Variants in TP53BP1 observed in about 807,000 individuals in gnomAD.
The protein encoded by TP53BP1 is TP53-binding protein 1.
Under a neutral mutation model 200.8 loss-of-function variants are expected in TP53BP1, and 61 were observed. That is an observed-to-expected ratio of 0.30 (90% CI 0.25 to 0.38). TP53BP1 has a LOEUF of 0.38. TP53BP1 is among the 10% of genes least tolerant of loss of function. The pLI is 1.00. For synonymous variants in TP53BP1, 822 were observed against 844.3 expected, an observed-to-expected ratio of 0.97 and a Z score of 0.46; for missense variants, 2,144 against 2,371.9, an observed-to-expected ratio of 0.90 and a Z score of 2.00.
upstream of TP53BP1, among the ~76,000 whole-genome samples, chr15:43,495,532 C>CACACA (rs1288150243): frequency 2.1e-5 from 3 of 141,804 alleles, no homozygotes; most frequent in East Asian, 6.4e-4. Context: ...CACACACACA[C>CACACA]AAAAGCCAGG....
intron 23 of TP53BP1, 124 bp from the exon 24 acceptor site, chr15:43,413,458 T>G (rs2045181478): frequency 1.4e-6 from 1 of 737,344 alleles, no homozygotes; most frequent in East Asian, 2.7e-5. Context: ...GATGAACTTA[T>G]CTGAGCCAGA....
Position 43,403,476 on chromosome 15 carries a change from C to T in TP53BP1, c.*3907G>A, listed in dbSNP as rs182134432. The T allele has an allele frequency of 5.2e-5, 27 of 517,086 alleles. No individual in the cohort carries two copies. The Middle Eastern group carries it at 1.5e-3, about 30-fold the overall frequency. The allele number at this position is 517,086 out of a possible 1,614,324, so 32.0% of individuals were successfully genotyped here. Reference sequence around the variant, plus strand: ...GGTGCAGGGCTAAGAGAGTAATACTCGCTTAGCCAGGAAAGGATGCATTTG... The same window carrying T: ...GGTGCAGGGCTAAGAGAGTAATACTTGCTTAGCCAGGAAAGGATGCATTTG... On this transcript the variant is annotated 3_prime_UTR_variant, in exon 28 of 28. Coordinates refer to ENST00000382044, the MANE Select transcript of TP53BP1 (RefSeq NM_001141980.3).
chr15:43,509,290 T>C (rs2079257672), intron 1 of TP53BP1, among the ~76,000 whole-genome samples: 1 of 149,112 alleles, frequency 6.7e-6, no homozygotes, highest in Admixed American at 6.8e-5. Flanking sequence ...CTGCCAGTAC[T>C]CTTATTTTCC....
At chr15:43,438,480 T>C (rs2045851708) in intron 15 of TP53BP1, 64 bp from the exon 16 acceptor site, 3 of 1,382,358 alleles carry the variant, frequency 2.2e-6, no homozygotes, top group African/African-American at 2.9e-5. Flanking sequence ...TTGGAGATTA[T>C]CCTTTTATGC....
At chr15:43,502,097 T>G (rs1011558833) in intron 1 of TP53BP1, among the ~76,000 whole-genome samples, 43 of 152,158 alleles carry the variant, frequency 2.8e-4, no homozygotes, top group African/African-American at 1.0e-3. Flanking sequence ...AGTTGAGAGG[T>G]TCGCTTGAGC....
intron 21 of TP53BP1, among the ~76,000 whole-genome samples, chr15:43,418,552 T>C (rs2045322003): frequency 6.6e-6 from 1 of 151,108 alleles, no homozygotes; most frequent in Non-Finnish European, 1.5e-5. Context: ...CCCCATTATA[T>C]GCCAATCCAT....
Position 43,438,549 on chromosome 15 carries a change from T to C in TP53BP1, c.3099-133A>G, listed in dbSNP as rs2045852588. 6.3e-6 allele frequency: 4 copies of C among 632,126 alleles called. No individual in the cohort carries two copies. In the South Asian group the frequency reaches 7.8e-5, roughly 12 times the overall value. 39.2% of individuals were successfully genotyped at this position (632,126 alleles called of 1,614,324 possible). ...AACTCCAAACCACCTTACACCAAAA[T>C]GCAAATTCTCCATACTTGTTTTGAA... On this transcript the variant is annotated intron_variant, in intron 15 of 27. Coordinates refer to ENST00000382044, the MANE Select transcript of TP53BP1 (RefSeq NM_001141980.3).
At chr15:43,424,362 T>A (rs2045477095) in intron 18 of TP53BP1, among the ~76,000 whole-genome samples, 1 of 152,216 alleles carries the variant, frequency 6.6e-6, no homozygotes, top group Admixed American at 6.5e-5. Context: ...CCCTCTCTCA[T>A]GCATGAAGAC....
At chr15:43,418,158 CGA>C (rs1316620742) in intron 21 of TP53BP1, among the ~76,000 whole-genome samples, 1 of 121,880 alleles carries the variant, frequency 8.2e-6, no homozygotes, top group East Asian at 2.4e-4. Context: ...CCAGCCTGGG[CGA>C]CAGAGCAAGG....
intron 18 of TP53BP1, among the ~76,000 whole-genome samples, chr15:43,422,427 C>G (rs693510): frequency 0.46 from 69,883 of 151,906 alleles, 20,822 homozygotes; most frequent in African/African-American, 0.85. Context: ...ATAAAATAAA[C>G]ATGGTACTAT....
chr15:43,421,100 T>G lies in TP53BP1; in HGVS notation c.4175A>C (p.Gln1392Pro). The change falls in exon 20 of 28, where the codon CAG becomes CCG. Residue 1392 changes from glutamine to proline, a missense_variant. Transcript: ENST00000382044. ...AGGCGTGACTGGAGCCTTCCCTCCC[T>G]GTCTGATGCCAAGGCCTGCATCACC... ...EDGDAGLGIR[Q>P]GGKAPVTPRG... 1 of 1,614,238 alleles carries G rather than the reference T, an allele frequency of 6.2e-7. No individual in the cohort carries two copies. The highest frequency in any genetic ancestry group is 8.5e-7 in the Non-Finnish European group (1 of 1,180,032).
At chr15:43,479,708 G>T in intron 6 of TP53BP1, 151 bp downstream of exon 6, 1 of 1,152,402 alleles carries the variant, frequency 8.7e-7, no homozygotes, top group Non-Finnish European at 1.2e-6. Context: ...ACCAACAATT[G>T]ACAAGTATTT....
rs757987955 is a variant in TP53BP1, at chr15:43,403,665, ACT to A, written c.*3716_*3717del. ...TACCTTCCTTCCTTTCCTAATGCCA[ACT>A]CTGTTTCCCGGGTAGGTGTTTCACT... On this transcript the variant is annotated 3_prime_UTR_variant, in exon 28 of 28. Transcript: ENST00000382044. 6.3e-6 allele frequency: 10 copies of A among 1,581,768 alleles called. No individual in the cohort carries two copies. In the Admixed American group the frequency reaches 1.0e-4, roughly 16 times the overall value.
At chr15:43,432,044 A>T in intron 17 of TP53BP1, 150 bp downstream of exon 17, 1 of 1,057,682 alleles carries the variant, frequency 9.5e-7, no homozygotes, top group Non-Finnish European at 1.3e-6. Flanking sequence ...CCATATCTGT[A>T]TCTTAGAAAA....
intron 11 of TP53BP1, among the ~76,000 whole-genome samples, chr15:43,460,951 G>T (rs567563108): frequency 1.3e-5 from 2 of 151,120 alleles, no homozygotes; most frequent in East Asian, 3.9e-4. Flanking sequence ...GCAGTGAGCA[G>T]TGTGATTGTG....
In TP53BP1 at chr15:43,422,111, T is replaced by A; in HGVS notation, c.3844A>T (p.Ile1282Phe). ...GTTTCACACTCCTGACACTCTACAA[T>A]TGGCTCTTCAGTCTCCTGCAAGGAA... ...RKVTEETEEP[I>F]VECQECETEV... The change falls in exon 19 of 28, where the codon ATT (isoleucine) becomes TTT (phenylalanine). Residue 1282 changes from isoleucine (I) to phenylalanine (F), a missense_variant. Ile to Phe is a conservative substitution (Grantham distance 21). Transcript: ENST00000382044. The A allele has an allele frequency of 6.2e-7, 1 of 1,614,004 alleles. No individual in the cohort carries two copies. The highest frequency in any genetic ancestry group is 8.5e-7 in the Non-Finnish European group (1 of 1,179,964).
chr15:43,452,827 C>T (rs2046201596), intron 12 of TP53BP1, among the ~76,000 whole-genome samples: 1 of 152,114 alleles, frequency 6.6e-6, no homozygotes, highest in East Asian at 1.9e-4. Flanking sequence ...ACAATGTAAA[C>T]AAGAATTCAT....
chr15:43,409,050 C>T lies in TP53BP1; in HGVS notation c.5447G>A (p.Arg1816Gln), dbSNP rs773338141. ...AAGGCACAGGAAGTACTTCCGGGTTCGACAATGCTGATCCGCAATTAGAAG... is the reference window on the plus strand; with the variant it reads ...AAGGCACAGGAAGTACTTCCGGGTTTGACAATGCTGATCCGCAATTAGAAG... ...QCLLIADQHC[R>Q]TRKYFLCLAS... Residue 1816 changes from arginine (R) to glutamine (Q), a missense_variant, in exon 26 of 28, where the codon CGA (arginine) becomes CAA (glutamine). Coordinates refer to ENST00000382044, the MANE Select transcript of TP53BP1 (RefSeq NM_001141980.3). The T allele has an allele frequency of 2.8e-5, 45 of 1,613,996 alleles. No individual in the cohort carries two copies. The highest frequency in any genetic ancestry group is 3.3e-5 in the South Asian group (3 of 91,088).
At chr15:43,503,263 G>A (rs566806119) in intron 1 of TP53BP1, among the ~76,000 whole-genome samples, 1 of 152,284 alleles carries the variant, frequency 6.6e-6, no homozygotes, top group South Asian at 2.1e-4. Context: ...TCCCAGCCCT[G>A]GGCAATCATT....
Sources: allele counts gnomAD v4.1 joint callset (sites outside exome capture counted in the v4.1 genomes callset), GRCh38; gene constraint gnomAD v4.1.1; transcripts MANE v1.5; gene names NCBI Gene and HGNC (gene_info 2026-07-23, HGNC 2026-07-21).